Variants in PPFIBP2 observed in about 807,000 individuals in gnomAD.
PPFIBP2 encodes PPFIB scaffold protein 2, also known as liprin-beta-2.
PPFIBP2 carries 118 observed loss-of-function variants against 118.3 expected under a neutral mutation model. That is an observed-to-expected ratio of 1.00 (90% CI 0.86 to 1.16). The LOEUF is 1.16. PPFIBP2 is among the 50% of genes most tolerant of loss of function. PPFIBP2 has a pLI of 0.00. For missense variants in PPFIBP2, 1,195 were observed against 1,073.1 expected, an observed-to-expected ratio of 1.11 and a Z score of -1.59; for synonymous variants, 414 against 397.4, an observed-to-expected ratio of 1.04 and a Z score of -0.50.
intron 13 of PPFIBP2, 31 bp from the exon 14 acceptor site, chr11:7,635,521 A>G: frequency 6.3e-7 from 1 of 1,592,858 alleles, no homozygotes; most frequent in Non-Finnish European, 8.6e-7. Flanking sequence ...CTTTTTCTCC[A>G]CATAAACGAA....
At chr11:7,596,452 C>A (rs1195061004) in intron 4 of PPFIBP2, among the ~76,000 whole-genome samples, 1 of 150,754 alleles carries the variant, frequency 6.6e-6, no homozygotes, top group Non-Finnish European at 1.5e-5. Context: ...TGTGTCAACT[C>A]CAGGAATATG....
At chr11:7,605,920 A>T (rs1251914199) in intron 5 of PPFIBP2, 8 of 1,523,540 alleles carry the variant, frequency 5.3e-6, no homozygotes, top group Non-Finnish European at 7.0e-6. Context: ...AGCCTGTTGG[A>T]GCTGAGGTCA....
chr11:7,528,702 C>G (rs1029921853), intron 1 of PPFIBP2, among the ~76,000 whole-genome samples: 6 of 152,202 alleles, frequency 3.9e-5, no homozygotes, highest in African/African-American at 1.4e-4. Context: ...TTGCTGAGAG[C>G]CTGCCCATGC....
rs544342098 is a variant in PPFIBP2, at chr11:7,649,637, C to A, written c.2104C>A (p.Arg702=). The A allele has an allele frequency of 1.9e-6, 3 of 1,614,106 alleles. No homozygotes were observed. In the African/African-American group the frequency reaches 4.0e-5, roughly 22 times the overall value. ...CAAGTTCAACCCCCACTGCCTGCAC[C>A]GGCGGCCAGCTGATGAGGTGAGACC... is the stretch of plus-strand genomic sequence containing the variant. ...VNKFNPHCLH[R]RPADESNLSP... is the part of the protein sequence containing the mutation. Residue 702 remains arginine (R), a synonymous_variant, in exon 21 of 24, where the codon CGG becomes AGG. Coordinates refer to ENST00000299492, the MANE Select transcript of PPFIBP2 (RefSeq NM_003621.5).
intron 17 of PPFIBP2, among the ~76,000 whole-genome samples, chr11:7,646,232 AC>A (rs1853038526): frequency 6.6e-6 from 1 of 152,256 alleles, no homozygotes; most frequent in Non-Finnish European, 1.5e-5. Flanking sequence ...AAGGACATAG[AC>A]AACACATGAG....
chr11:7,603,839 A>G (rs992530217), intron 5 of PPFIBP2, among the ~76,000 whole-genome samples: 2 of 152,128 alleles, frequency 1.3e-5, no homozygotes, highest in Non-Finnish European at 2.9e-5. Context: ...CCATCACAGT[A>G]AGTAAAACAA....
intron 3 of PPFIBP2, among the ~76,000 whole-genome samples, chr11:7,577,956 C>A (rs533575830): frequency 2.0e-5 from 3 of 152,122 alleles, no homozygotes; most frequent in African/African-American, 4.8e-5. Flanking sequence ...GAAGAATGTG[C>A]CCACCGCTTT....
intron 3 of PPFIBP2, chr11:7,572,082 G>C (rs1351840580): frequency 6.6e-6 from 1 of 152,238 alleles, no homozygotes; most frequent in Non-Finnish European, 1.5e-5. Flanking sequence ...CCACTGTTTA[G>C]GGTGGGGGAG....
intron 2 of PPFIBP2, among the ~76,000 whole-genome samples, chr11:7,559,265 A>C (rs1039522967): frequency 6.6e-6 from 1 of 152,178 alleles, no homozygotes; most frequent in African/African-American, 2.4e-5. Context: ...TTAGTGGTTT[A>C]TGGTGTCTTC....
At chr11:7,644,722 A>C (rs76949684) in intron 17 of PPFIBP2, among the ~76,000 whole-genome samples, 16,887 of 152,020 alleles carry the variant, frequency 0.11, 1,024 homozygotes, top group African/African-American at 0.15. Context: ...TGTTTTGAAA[A>C]TTTTGCCTAA....
chr11:7,649,759 C>A, intron 21 of PPFIBP2, 105 bp downstream of exon 21: 1 of 1,485,744 alleles, frequency 6.7e-7, no homozygotes, highest in African/African-American at 1.4e-5. Context: ...GTTTTTTGCA[C>A]CATGGTGCCT....
intron 17 of PPFIBP2, among the ~76,000 whole-genome samples, chr11:7,645,801 A>G (rs1852971124): frequency 6.6e-6 from 1 of 152,230 alleles, no homozygotes; most frequent in Non-Finnish European, 1.5e-5. Context: ...TCCCCTTTAG[A>G]GCTGAAATGT....
chr11:7,531,877 C>T (rs916468526), intron 1 of PPFIBP2, among the ~76,000 whole-genome samples: 8 of 151,694 alleles, frequency 5.3e-5, no homozygotes, highest in Admixed American at 3.3e-4. Context: ...ACTGTGTTGC[C>T]CATGCTGGAG....
chr11:7,552,763 T>A (rs567162392), intron 2 of PPFIBP2, among the ~76,000 whole-genome samples: 10 of 152,030 alleles, frequency 6.6e-5, no homozygotes, highest in African/African-American at 1.9e-4. Flanking sequence ...TGCCCCCCCC[T>A]CTCCTGGAAT....
Position 7,610,288 on chromosome 11 carries a change from C to T in PPFIBP2, c.487-3C>T, listed in dbSNP as rs1847907540. ...TGATTTCGAGATCTGTTTTTGCTTG[C>T]AGGAGCTGCTAAGCCGCACATCTCT... is the stretch of plus-strand genomic sequence containing the variant. On this transcript the variant is annotated splice_polypyrimidine_tract_variant and splice_region_variant and intron_variant, in intron 5 of 23. Coordinates refer to ENST00000299492, the MANE Select transcript of PPFIBP2 (RefSeq NM_003621.5). 3.7e-6 allele frequency: 6 copies of T among 1,613,410 alleles called. No homozygotes were observed. In the East Asian group the frequency reaches 8.9e-5, roughly 24 times the overall value.
chr11:7,570,053 G>A (rs1240658817), intron 3 of PPFIBP2, among the ~76,000 whole-genome samples: 1 of 152,170 alleles, frequency 6.6e-6, no homozygotes, highest in Non-Finnish European at 1.5e-5. Flanking sequence ...GAAGGACCCG[G>A]TACAACTGTG....
chr11:7,657,035 T>C (rs913764926), downstream of PPFIBP2: 1 of 336,816 alleles, frequency 3.0e-6, no homozygotes, highest in African/African-American at 2.2e-5. Context: ...ATACCTTTTG[T>C]ACTTTTATAC....
In PPFIBP2 at chr11:7,576,883, A is replaced by G. The variant is rs374313760; in HGVS notation, c.279+11116A>G. The G allele has an allele frequency of 1.4e-4, 22 of 152,566 alleles. No individual in the cohort carries two copies. The South Asian group carries it at 4.3e-3, about 30-fold the overall frequency. 9.5% of individuals were successfully genotyped at this position (152,566 alleles called of 1,614,324 possible). A position where few individuals can be genotyped will look rare whatever the true frequency, so the allele number is the denominator to read the frequency against. ...TTTTTGGAAACAACAGGCTTTCCTC[A>G]GGGCACAGCCCGTCACTCGCCTGGA... On this transcript the variant is annotated intron_variant, in intron 3 of 23. Coordinates refer to ENST00000299492, the MANE Select transcript of PPFIBP2 (RefSeq NM_003621.5).
chr11:7,546,306 T>C (rs920455130), intron 1 of PPFIBP2, among the ~76,000 whole-genome samples: 22 of 152,196 alleles, frequency 1.4e-4, no homozygotes, highest in African/African-American at 4.3e-4. Flanking sequence ...AAGAGGAAAA[T>C]AGGCTGGCAA....
Sources: allele counts gnomAD v4.1 joint callset (sites outside exome capture counted in the v4.1 genomes callset), GRCh38; gene constraint gnomAD v4.1.1; transcripts MANE v1.5; gene names NCBI Gene and HGNC (gene_info 2026-07-23, HGNC 2026-07-21).